The following RGS12 variants were observed in gnomAD, a reference collection of about 807,000 sequenced individuals.
The protein encoded by RGS12 is regulator of G-protein signaling 12.
RGS12 carries 66 observed loss-of-function variants against 120.1 expected under a neutral mutation model. The ratio of observed to expected loss-of-function variants is 0.55; its 90% CI spans 0.45 to 0.67. RGS12 has a LOEUF of 0.67. RGS12 is among the 30% of genes least tolerant of loss of function. The probability of loss-of-function intolerance (pLI) is 0.00; values close to 1 mark genes in which losing one functional copy is unlikely to be tolerated. For missense variants in RGS12, 1,859 were observed against 1,957.7 expected, an observed-to-expected ratio of 0.95 and a Z score of 0.95; for synonymous variants, 827 against 804.7, an observed-to-expected ratio of 1.03 and a Z score of -0.47.
chr4:3,393,897 G>A (rs1360262630), intron 4 of RGS12, among the ~76,000 whole-genome samples: 3 of 152,166 alleles, frequency 2.0e-5, no homozygotes, highest in Admixed American at 6.5e-5. Flanking sequence ...TCACAACCCA[G>A]AAAGAGCAGG....
intron 1 of RGS12, among the ~76,000 whole-genome samples, chr4:3,308,783 C>T (rs576182732): frequency 2.6e-5 from 4 of 152,362 alleles, no homozygotes; most frequent in African/African-American, 9.6e-5. Context: ...CTCTGGGAAG[C>T]GGCTGGCGCC....
rs188101280 is a variant in RGS12 at position 3,425,815 on chromosome 4, G to A, written c.3331+255G>A. On this transcript the variant is annotated intron_variant, in intron 14 of 17. Transcript: ENST00000336727. ...CCAGTGCAGGGGAGGGGGCTGTGGC[G>A]TTGGCATAGGGGAGAGGGCGAGCGG... Among the ~76,000 whole-genome samples, 54 of 32,494 alleles carry A rather than the reference G, an allele frequency of 1.7e-3. 1 individual carries two copies. The highest frequency in any genetic ancestry group is 9.0e-3 in the African/African-American group (50 of 5,564). The allele number at this position is 32,494 out of a possible 152,430, so 21.3% of individuals were successfully genotyped here.
chr4:3,363,715 C>T lies in RGS12; in HGVS notation c.1998+20662C>T, dbSNP rs1042630519. Among the ~76,000 whole-genome samples, 13 of 152,260 alleles carry T rather than the reference C, an allele frequency of 8.5e-5. No individual in the cohort carries two copies. The East Asian group carries it at 1.7e-3, about 20-fold the overall frequency. ...CCCTCCTGGGTTGGGGCAGGCTTGG[C>T]GGGAACAGCCCAAAGACCAACAGTG... is the stretch of plus-strand genomic sequence containing the variant. On this transcript the variant is annotated intron_variant, in intron 3 of 17. Coordinates refer to ENST00000336727, the MANE Select transcript of RGS12 (RefSeq NM_001394154.1).
chr4:3,374,281 G>A lies in RGS12; in HGVS notation c.1999-12135G>A, dbSNP rs550587166. ...GCTTGCCTTGGGCTTCTGCAGCAGC[G>A]CCCTCCGGGTTCCCCTCCTCTCCTC... On this transcript the variant is annotated intron_variant, in intron 3 of 17. Transcript: ENST00000336727. The surrounding 1 kb of genome is among the most constrained non-coding windows in gnomAD (Gnocchi z 6.3). 2.6e-5 allele frequency among the ~76,000 whole-genome samples: 4 copies of A among 152,338 alleles called. No homozygotes were observed. Among genetic ancestry groups the A allele is most frequent in the Non-Finnish European group, 4.4e-5 (3 of 68,024 alleles).
chr4:3,435,464 G>A (rs1724716597), intron 17 of RGS12, among the ~76,000 whole-genome samples: 1 of 152,070 alleles, frequency 6.6e-6, no homozygotes, highest in African/African-American at 2.4e-5. Flanking sequence ...GCCTGCCACT[G>A]GTCTCAGGCC....
chr4:3,340,367 A>G (rs981955549), intron 2 of RGS12, among the ~76,000 whole-genome samples: 1 of 152,216 alleles, frequency 6.6e-6, no homozygotes, highest in African/African-American at 2.4e-5. Flanking sequence ...AAAAGACCCA[A>G]AGACTGGGAG....
chr4:3,393,896 A>G (rs1455078933), intron 4 of RGS12, among the ~76,000 whole-genome samples: 1 of 152,214 alleles, frequency 6.6e-6, no homozygotes, highest in Admixed American at 6.5e-5. Flanking sequence ...CTCACAACCC[A>G]GAAAGAGCAG....
At chr4:3,401,096 G>A (rs1306703488) in intron 4 of RGS12, among the ~76,000 whole-genome samples, 1 of 152,156 alleles carries the variant, frequency 6.6e-6, no homozygotes, top group Middle Eastern at 3.2e-3. Flanking sequence ...ACCTGGCAGA[G>A]TTCAGTGAGA....
intron 2 of RGS12, among the ~76,000 whole-genome samples, chr4:3,340,096 C>G (rs540522690): frequency 6.6e-6 from 1 of 152,374 alleles, no homozygotes; most frequent in African/African-American, 2.4e-5. Flanking sequence ...GCATGCCGTA[C>G]AGGTGCCCTG....
intron 2 of RGS12, among the ~76,000 whole-genome samples, chr4:3,340,393 G>A (rs967531328): frequency 1.4e-4 from 22 of 152,252 alleles, no homozygotes; most frequent in Non-Finnish European, 3.2e-4. Context: ...ACGCTGGGGA[G>A]TCTTAACTTA....
chr4:3,299,314 A>G (rs1279920756), intron 1 of RGS12, among the ~76,000 whole-genome samples: 1 of 152,038 alleles, frequency 6.6e-6, no homozygotes, highest in Non-Finnish European at 1.5e-5. Flanking sequence ...CTCACTGTTC[A>G]GCCACCCAGC....
Position 3,414,218 on chromosome 4 carries a change from C to T in RGS12, c.2167C>T (p.Pro723Ser). 6.5e-7 allele frequency: 1 copy of T among 1,545,808 alleles called. No individual in the cohort carries two copies. The highest frequency in any genetic ancestry group is 8.7e-7 in the Non-Finnish European group (1 of 1,149,020). Residue 723 changes from proline (P) to serine (S), a missense_variant, in exon 5 of 18, where the codon CCC (proline) becomes TCC (serine). By Grantham distance (74) the Pro-to-Ser change is moderately conservative. Around this residue, in one of 3 missense-constraint regions of RGS12, gnomAD observed 967 missense variants for 994.2 expected, o/e 0.97. Coordinates refer to ENST00000336727, the MANE Select transcript of RGS12 (RefSeq NM_001394154.1). ...GTCCTTTGAGCGCCTGCTGCAGGACCCCGTCGGTGTCCGCTACTTCTCTGT... is the reference window on the plus strand; with the variant it reads ...GTCCTTTGAGCGCCTGCTGCAGGACTCCGTCGGTGTCCGCTACTTCTCTGT... Reference protein sequence around the residue: ...AVSFERLLQDPVGVRYFSDFL... With the variant: ...AVSFERLLQDSVGVRYFSDFL...
chr4:3,327,685 TA>T (rs1466343301), intron 2 of RGS12, among the ~76,000 whole-genome samples: 1 of 152,208 alleles, frequency 6.6e-6, no homozygotes, highest in Non-Finnish European at 1.5e-5. Flanking sequence ...CCAATATCAC[TA>T]ATCATGAGAG....
chr4:3,428,420 G>A, intron 15 of RGS12, 138 bp from the exon 16 acceptor site: 1 of 822,374 alleles, frequency 1.2e-6, no homozygotes, highest in Non-Finnish European at 1.9e-6. Flanking sequence ...CCTTATCATT[G>A]CAATGGTTTT....
rs1578858410 is a variant in RGS12 at position 3,374,011 on chromosome 4, C to T, written c.1999-12405C>T. The stretch of plus-strand genomic sequence containing the variant: ...AGGTGTATCCTTCTCGGGCCAAAAA[C>T]CCCCAGCCCTTTCCCCTGGGTCCTG... On this transcript the variant is annotated intron_variant, in intron 3 of 17. Transcript: ENST00000336727. This position sits in a 1 kb window ranked among gnomAD's most constrained non-coding sequence, Gnocchi z 6.3. Among the ~76,000 whole-genome samples the T allele has an allele frequency of 6.6e-6, 1 of 152,230 alleles. No individual in the cohort carries two copies. Among genetic ancestry groups the T allele is most frequent in the South Asian group, 2.1e-4 (1 of 4,832 alleles).
intron 17 of RGS12, among the ~76,000 whole-genome samples, chr4:3,435,121 C>A (rs1025877170): frequency 1.9e-4 from 29 of 152,116 alleles, no homozygotes; most frequent in African/African-American, 6.5e-4. Context: ...TCACAGCTGC[C>A]AGTATCCCCT....
In RGS12 at chr4:3,356,050, A is replaced by AT. The variant is rs35966486; in HGVS notation, c.1998+13018dup. ...TAAAGGGCAGAGATTATCTTTTTCA[A>AT]TTTTTTTTTTTTTTTTTTTTTGAGA... On this transcript the variant is annotated intron_variant, in intron 3 of 17. Transcript: ENST00000336727. Among the ~76,000 whole-genome samples the AT allele has an allele frequency of 8.0e-3, 993 of 123,394 alleles. 13 individuals carry two copies. The highest frequency in any genetic ancestry group is 0.045 in the East Asian group (206 of 4,536). 81.0% of individuals were successfully genotyped at this position (123,394 alleles called of 152,430 possible).
At chr4:3,435,334 C>T (rs1724703574) in intron 17 of RGS12, among the ~76,000 whole-genome samples, 1 of 152,104 alleles carries the variant, frequency 6.6e-6, no homozygotes. Context: ...CTGCTCTGTC[C>T]AAGAGAGGCC....
chr4:3,309,360 C>T (rs1232717647), intron 1 of RGS12, among the ~76,000 whole-genome samples: 40 of 133,752 alleles, frequency 3.0e-4, no homozygotes, highest in East Asian at 4.3e-4. Flanking sequence ...GGCAGGTGTC[C>T]GCTGAGGGGA....
Sources: gnomAD v4.1 joint callset for allele counts (sites outside exome capture counted in the v4.1 genomes callset) on GRCh38, gnomAD v4.1.1 for gene constraint, gnomAD v4.1.1 regional missense constraint, Gnocchi (gnomAD v3.1) non-coding constraint, MANE v1.5 for transcripts, NCBI Gene and HGNC (gene_info 2026-07-23, HGNC 2026-07-21) for gene names.